The following ARHGAP28 variants were observed in gnomAD, a reference collection of about 807,000 sequenced individuals.
ARHGAP28 encodes the protein Rho GTPase activating protein 28.
In ARHGAP28, 56 loss-of-function variants were observed where a neutral mutation model predicts 90.7. The ratio of observed to expected loss-of-function variants is 0.62; its 90% CI spans 0.50 to 0.77. The LOEUF (loss-of-function observed/expected upper bound fraction) is 0.77, where lower values mean the gene tolerates loss of function less well. ARHGAP28 is among the 30% of genes least tolerant of loss of function. ARHGAP28 has a pLI of 0.00. For synonymous variants in ARHGAP28, 308 were observed against 323.3 expected (o/e 0.95, Z 0.51); for missense variants, 869 against 900.9 (o/e 0.96, Z 0.45).
chr18:6,850,646 G>C (rs1310120619), intron 3 of ARHGAP28: 1 of 602,018 alleles, frequency 1.7e-6, no homozygotes, highest in African/African-American at 1.9e-5. Context: ...AGCTTTCCCA[G>C]ACACTCCACC....
At chr18:6,804,406 CT>C (rs111996259) in intron 1 of ARHGAP28, among the ~76,000 whole-genome samples, 1 of 150,964 alleles carries the variant, frequency 6.6e-6, no homozygotes, top group African/African-American at 2.4e-5. Context: ...TTCATTTATT[CT>C]TTTTTTTTCT....
chr18:6,835,430 G>C (rs2056745994), intron 2 of ARHGAP28, among the ~76,000 whole-genome samples: 1 of 152,134 alleles, frequency 6.6e-6, no homozygotes, highest in African/African-American at 2.4e-5. Flanking sequence ...TAAAGGGACA[G>C]CTTACAAAGC....
intron 1 of ARHGAP28, among the ~76,000 whole-genome samples, chr18:6,803,864 C>T (rs891364938): frequency 2.0e-4 from 31 of 152,160 alleles, no homozygotes; most frequent in African/African-American, 6.3e-4. Flanking sequence ...CCGCAAGCCC[C>T]GCCTCCCGGG....
intron 3 of ARHGAP28, among the ~76,000 whole-genome samples, chr18:6,846,886 A>G (rs1353588544): frequency 6.6e-6 from 1 of 152,180 alleles, no homozygotes; most frequent in Non-Finnish European, 1.5e-5. Flanking sequence ...GGTCACATGA[A>G]ATCGACAGCA....
intron 1 of ARHGAP28, among the ~76,000 whole-genome samples, chr18:6,743,374 C>T (rs2055996046): frequency 6.6e-6 from 1 of 152,030 alleles, no homozygotes; most frequent in Non-Finnish European, 1.5e-5. Context: ...CCTTAACTAC[C>T]TTCCCCTCTC....
chr18:6,882,830 A>G (rs1489700402), intron 11 of ARHGAP28, among the ~76,000 whole-genome samples: 3 of 152,254 alleles, frequency 2.0e-5, no homozygotes, highest in Non-Finnish European at 2.9e-5. Context: ...GAAAGTTACA[A>G]AGTCATATAG....
At chr18:6,870,490 G>A (rs559429150) in intron 6 of ARHGAP28, 100 bp from the exon 7 acceptor site, 2 of 1,234,524 alleles carry the variant, frequency 1.6e-6, no homozygotes, top group Non-Finnish European at 2.3e-6. Context: ...TAACGTGCTT[G>A]TGGATTCACT....
At chr18:6,762,499 G>T (rs1028586865) in intron 1 of ARHGAP28, among the ~76,000 whole-genome samples, 1 of 152,218 alleles carries the variant, frequency 6.6e-6, no homozygotes, top group South Asian at 2.1e-4. Flanking sequence ...ATTCACGCAC[G>T]ATATTCCTTC....
At chr18:6,886,373 C>T (rs375784416) in intron 11 of ARHGAP28, among the ~76,000 whole-genome samples, 7 of 152,234 alleles carry the variant, frequency 4.6e-5, no homozygotes, top group African/African-American at 1.7e-4. Flanking sequence ...CACAGCTGGT[C>T]GTGGATTATC....
chr18:6,828,749 G>GT (rs1359246781), intron 2 of ARHGAP28, among the ~76,000 whole-genome samples: 1 of 152,136 alleles, frequency 6.6e-6, no homozygotes, highest in African/African-American at 2.4e-5. Context: ...AATAAACAGT[G>GT]TAATTGTCCT....
chr18:6,857,288 T>G (rs373643726), intron 4 of ARHGAP28, among the ~76,000 whole-genome samples: 6 of 152,330 alleles, frequency 3.9e-5, no homozygotes, highest in Middle Eastern at 3.4e-3. Flanking sequence ...ATATCCTGTG[T>G]GGAGGATGTT....
At chr18:6,743,177 T>G (rs1192359676) in intron 1 of ARHGAP28, among the ~76,000 whole-genome samples, 1 of 152,124 alleles carries the variant, frequency 6.6e-6, no homozygotes, top group African/African-American at 2.4e-5. Flanking sequence ...GAACTAAAAT[T>G]CTGATCAAAG....
chr18:6,826,914 A>C (rs536100719), intron 2 of ARHGAP28, among the ~76,000 whole-genome samples: 388 of 152,176 alleles, frequency 2.5e-3, no homozygotes, highest in Non-Finnish European at 4.4e-3. Context: ...GCCTTCAAGC[A>C]TCTGTTTAAC....
At chr18:6,780,938 A>G (rs1393794273) in intron 1 of ARHGAP28, among the ~76,000 whole-genome samples, 2 of 152,030 alleles carry the variant, frequency 1.3e-5, no homozygotes, top group African/African-American at 4.8e-5. Flanking sequence ...ATGCCCATGA[A>G]TTTCACAGTC....
intron 3 of ARHGAP28, among the ~76,000 whole-genome samples, chr18:6,849,685 T>A (rs2056894525): frequency 6.6e-6 from 1 of 152,214 alleles, no homozygotes. Flanking sequence ...TTTTTCATAC[T>A]GTGTTATTGT....
chr18:6,828,310 A>G (rs2056690087), intron 2 of ARHGAP28, among the ~76,000 whole-genome samples: 1 of 152,168 alleles, frequency 6.6e-6, no homozygotes, highest in African/African-American at 2.4e-5. Flanking sequence ...AGTACAGTCC[A>G]GCTTCGGCTC....
chr18:6,821,470 G>T (rs964832530), intron 1 of ARHGAP28, among the ~76,000 whole-genome samples: 1 of 152,202 alleles, frequency 6.6e-6, no homozygotes. Flanking sequence ...AATATGGTGA[G>T]GTATGAAGCT....
intron 5 of ARHGAP28, among the ~76,000 whole-genome samples, chr18:6,864,092 G>T (rs1225559413): frequency 1.3e-5 from 2 of 149,098 alleles, no homozygotes; most frequent in Non-Finnish European, 3.0e-5. Flanking sequence ...TTGAGACGGA[G>T]TCTTGCTCTG....
chr18:6,911,176 G>A (rs900639854), intron 17 of ARHGAP28, among the ~76,000 whole-genome samples: 1 of 152,142 alleles, frequency 6.6e-6, no homozygotes, highest in Admixed American at 6.5e-5. Context: ...TACATTTCAA[G>A]CACACTGCAC....
Sources: allele counts gnomAD v4.1 joint callset (sites outside exome capture counted in the v4.1 genomes callset), GRCh38; gene constraint gnomAD v4.1.1; transcripts MANE v1.5; gene names NCBI Gene and HGNC (gene_info 2026-07-23, HGNC 2026-07-21).